Variants in MDN1 observed in about 807,000 individuals in gnomAD.
MDN1 encodes the protein midasin.
A neutral mutation model predicts 669.2 loss-of-function variants in MDN1; 266 were observed. The observed-to-expected ratio is 0.40, with a 90% confidence interval of 0.36 to 0.44. MDN1 has a LOEUF of 0.44. MDN1 is among the 20% of genes least tolerant of loss of function. The probability of loss-of-function intolerance (pLI) is 1.00; values close to 1 mark genes in which losing one functional copy is unlikely to be tolerated. For synonymous variants in MDN1, 2,385 were observed against 2,457.1 expected, an observed-to-expected ratio of 0.97 and a Z score of 0.87; for missense variants, 5,940 against 6,754.0, an observed-to-expected ratio of 0.88 and a Z score of 4.22.
Position 89,749,383 on chromosome 6 carries a change from AG to A in MDN1, c.3616-15del. 1 of 1,613,014 alleles carries A rather than the reference AG, an allele frequency of 6.2e-7. No individual in the cohort carries two copies. On this transcript the variant is annotated splice_polypyrimidine_tract_variant and intron_variant, in intron 25 of 101. Coordinates refer to ENST00000369393, the MANE Select transcript of MDN1 (RefSeq NM_014611.3). Reference sequence around the variant, plus strand: ...TCTAGAAAGGACCTAGACAAAGCACAGGAAGAATGCAGTAAAAGGTGCCTTT... The same window carrying A: ...TCTAGAAAGGACCTAGACAAAGCACAGAAGAATGCAGTAAAAGGTGCCTTT...
chr6:89,716,788 T>A lies in MDN1; in HGVS notation c.6605A>T (p.Glu2202Val). The change falls in exon 44 of 102, where the codon GAG (glutamate) becomes GTG (valine). Residue 2202 changes from glutamate (E) to valine (V), a missense_variant. By Grantham distance (121) the Glu-to-Val change is moderately radical (BLOSUM62 -2). Coordinates refer to ENST00000369393, the MANE Select transcript of MDN1 (RefSeq NM_014611.3). ...AAGCTTCACACCAAAGCTTCGGAAC[T>A]CTTCAACAAGTTTGGCAAACTCTGA... ...CKAEFAKLVE[E>V]FRSFGVKLTQ... The A allele has an allele frequency of 6.2e-7, 1 of 1,607,148 alleles. No homozygotes were observed. Among genetic ancestry groups the A allele is most frequent in the South Asian group, 1.1e-5 (1 of 89,638 alleles).
intron 2 of MDN1, among the ~76,000 whole-genome samples, chr6:89,796,246 C>A (rs1269492602): frequency 7.0e-6 from 1 of 142,782 alleles, no homozygotes; most frequent in Non-Finnish European, 1.5e-5. Context: ...ATCACTTGAG[C>A]CCGAGACACG....
intron 97 of MDN1, 55 bp from the exon 98 acceptor site, chr6:89,648,384 C>G (rs1013677802): frequency 1.6e-5 from 24 of 1,517,844 alleles, no homozygotes; most frequent in Non-Finnish European, 2.0e-5. Flanking sequence ...TAAACCAGAG[C>G]CTCTCAACTA....
chr6:89,658,160 G>C (rs748946925), intron 90 of MDN1, 49 bp downstream of exon 90: 2 of 1,606,814 alleles, frequency 1.2e-6, no homozygotes, highest in South Asian at 2.2e-5. Context: ...ACAGGGAGAA[G>C]AGACCCTACT....
At position 89,696,554 on chromosome 6, in the gene MDN1, T is replaced by C. The variant is rs1165310736; in HGVS notation, c.9189A>G (p.Arg3063=). The part of the protein sequence containing the change: ...STLKGPGNLN[R]PIFSKCCFEV... Reference sequence around the variant, plus strand: ...CAAAGCAGCACTTAGAGAATATGGGTCTATTGAGATTGCCGGGGCCCTAAA... The same window carrying C: ...CAAAGCAGCACTTAGAGAATATGGGCCTATTGAGATTGCCGGGGCCCTAAA... The change falls in exon 60 of 102, where the codon AGA becomes AGG. Residue 3063 remains arginine (R), a synonymous_variant. Coordinates refer to ENST00000369393, the MANE Select transcript of MDN1 (RefSeq NM_014611.3). 6.8e-6 allele frequency: 11 copies of C among 1,613,728 alleles called. No homozygotes were observed. Among genetic ancestry groups the C allele is most frequent in the Non-Finnish European group, 9.3e-6 (11 of 1,179,876 alleles).
At chr6:89,796,764 TTTTAA>T (rs1318706398) in intron 2 of MDN1, among the ~76,000 whole-genome samples, 1 of 152,112 alleles carries the variant, frequency 6.6e-6, no homozygotes, top group African/African-American at 2.4e-5. Context: ...AGATGTTTGT[TTTTAA>T]TTTTATAAAA....
intron 40 of MDN1, among the ~76,000 whole-genome samples, chr6:89,719,537 T>C (rs905143365): frequency 1.1e-4 from 17 of 151,938 alleles, no homozygotes; most frequent in Admixed American, 9.2e-4. Context: ...AAAAAAAGAG[T>C]TGTTTGCTTT....
Position 89,689,878 on chromosome 6 carries a change from G to T in MDN1, c.11015C>A (p.Pro3672His). ...TGASLVTHFY[P>H]LMGVELNDRL... ...AAAGTAAACTACCATACCCATCAGG[G>T]GGTAGAAGTGTGTCACAAGCGATGC... Residue 3672 changes from proline (P) to histidine (H), a missense_variant, in exon 65 of 102, where the codon CCC becomes CAC. Around this residue, in one of 5 missense-constraint regions of MDN1, gnomAD observed 2,280 missense variants for 2,576.3 expected, o/e 0.88. Coordinates refer to ENST00000369393, the MANE Select transcript of MDN1 (RefSeq NM_014611.3). 1 of 1,613,950 alleles carries T rather than the reference G, an allele frequency of 6.2e-7. No individual in the cohort carries two copies. The highest frequency in any genetic ancestry group is 8.5e-7 in the Non-Finnish European group (1 of 1,179,982).
chr6:89,793,932 G>T lies in MDN1; in HGVS notation c.685C>A (p.Gln229Lys). Residue 229 changes from glutamine (Q) to lysine (K), a missense_variant, in exon 5 of 102, where the codon CAG (glutamine) becomes AAG (lysine). By Grantham distance (53) the Gln-to-Lys change is moderately conservative. Coordinates refer to ENST00000369393, the MANE Select transcript of MDN1 (RefSeq NM_014611.3). Reference protein sequence around the residue: ...RLRLLEEAQLQDLEKALVLAN... With the variant: ...RLRLLEEAQLKDLEKALVLAN... Reference sequence around the variant, plus strand: ...AAAACCAAGGCCTTCTCCAAGTCCTGCAACTGGGCCTCTTCTAATAACCTG... The same window carrying T: ...AAAACCAAGGCCTTCTCCAAGTCCTTCAACTGGGCCTCTTCTAATAACCTG... The T allele has an allele frequency of 3.1e-6, 5 of 1,613,184 alleles. No homozygotes were observed. The highest frequency in any genetic ancestry group is 3.4e-6 in the Non-Finnish European group (4 of 1,179,340).
intron 27 of MDN1, 28 bp from the exon 28 acceptor site, chr6:89,745,654 G>A: frequency 6.2e-7 from 1 of 1,606,178 alleles, no homozygotes; most frequent in Non-Finnish European, 8.5e-7. Flanking sequence ...AAAAGGAGGA[G>A]AGGAATCATC....
chr6:89,729,978 T>C (rs1181286797), intron 35 of MDN1, among the ~76,000 whole-genome samples: 2 of 152,162 alleles, frequency 1.3e-5, no homozygotes, highest in African/African-American at 4.8e-5. Context: ...CCCCAGTAAT[T>C]GCCACTGCAA....
intron 74 of MDN1, 101 bp from the exon 75 acceptor site, chr6:89,678,846 G>A: frequency 8.1e-7 from 1 of 1,236,328 alleles, no homozygotes; most frequent in Non-Finnish European, 1.1e-6. Flanking sequence ...GGAGAACAAA[G>A]GCCAAGTATC....
At position 89,644,210 on chromosome 6, in the gene MDN1, T is replaced by G; in HGVS notation, c.16603-17A>C. 1 of 1,592,258 alleles carries G rather than the reference T, an allele frequency of 6.3e-7. No homozygotes were observed. Among genetic ancestry groups the G allele is most frequent in the Non-Finnish European group, 8.6e-7 (1 of 1,168,830 alleles). ...GATAGAATCCTGTCAACAAAAGACA[T>G]TTTGAAATGGGGAGGCAGCGATTAA... On this transcript the variant is annotated splice_polypyrimidine_tract_variant and intron_variant, in intron 101 of 101. Coordinates refer to ENST00000369393, the MANE Select transcript of MDN1 (RefSeq NM_014611.3).
In MDN1 at chr6:89,701,553, T is replaced by TG. The variant is rs1180040366; in HGVS notation, c.8427+4dup. Reference sequence around the variant, plus strand: ...CTTTTATTTACTAAATGCTTCCAGGTGTACCTTAAAAGGAAACGGTCGTCC... The same window carrying TG: ...CTTTTATTTACTAAATGCTTCCAGGTGGTACCTTAAAAGGAAACGGTCGTCC... On this transcript the variant is annotated splice_donor_region_variant and intron_variant, in intron 55 of 101. Coordinates refer to ENST00000369393, the MANE Select transcript of MDN1 (RefSeq NM_014611.3). The TG allele has an allele frequency of 6.2e-7, 1 of 1,613,710 alleles. No individual in the cohort carries two copies. Among genetic ancestry groups the TG allele is most frequent in the Admixed American group, 1.7e-5 (1 of 59,904 alleles).
At chr6:89,686,301 G>A (rs1010260555) in intron 69 of MDN1, among the ~76,000 whole-genome samples, 5 of 152,128 alleles carry the variant, frequency 3.3e-5, no homozygotes, top group Middle Eastern at 3.4e-3. Context: ...GTTGGGCACC[G>A]GTAATCCCAG....
chr6:89,732,790 C>CA lies in MDN1; in HGVS notation c.4724-16dup. ...TATGTCAGACCCTAAACACAAGAAA[C>CA]AAAAAAAGCATTTGCTGTTAACGGG... is the stretch of plus-strand genomic sequence containing the variant. On this transcript the variant is annotated splice_polypyrimidine_tract_variant and intron_variant, in intron 33 of 101. Transcript: ENST00000369393. The CA allele has an allele frequency of 6.2e-7, 1 of 1,603,374 alleles. No homozygotes were observed. The highest frequency in any genetic ancestry group is 8.5e-7 in the Non-Finnish European group (1 of 1,176,140).
At chr6:89,650,928 A>G (rs1808807876) in intron 95 of MDN1, 81 bp from the exon 96 acceptor site, 9 of 1,090,932 alleles carry the variant, frequency 8.2e-6, no homozygotes, top group Non-Finnish European at 1.2e-5. Context: ...GCTTTAAGCA[A>G]AGTGGTAGAA....
chr6:89,692,181 G>C (rs1270169974), intron 63 of MDN1, among the ~76,000 whole-genome samples: 1 of 152,002 alleles, frequency 6.6e-6, no homozygotes, highest in East Asian at 1.9e-4. Flanking sequence ...AAAGGCAAAA[G>C]ACAACTGACA....
chr6:89,731,055 G>T, intron 34 of MDN1, 132 bp from the exon 35 acceptor site: 1 of 683,210 alleles, frequency 1.5e-6, no homozygotes, highest in South Asian at 2.0e-5. Flanking sequence ...GTGATTTCTA[G>T]TGTAAGCAGT....
Sources: gnomAD v4.1 joint callset for allele counts (sites outside exome capture counted in the v4.1 genomes callset) on GRCh38, gnomAD v4.1.1 for gene constraint, gnomAD v4.1.1 regional missense constraint, MANE v1.5 for transcripts, NCBI Gene and HGNC (gene_info 2026-07-23, HGNC 2026-07-21) for gene names.